SPATA6: variants seen among roughly 807,000 people sequenced by gnomAD.
SPATA6 encodes spermatogenesis associated 6, also known as spermatogenesis-associated protein 6.
A neutral mutation model predicts 65.3 loss-of-function variants in SPATA6; 56 were observed. That is an observed-to-expected ratio of 0.86 (90% CI 0.69 to 1.07). The LOEUF is 1.07. Ranked by LOEUF, SPATA6 falls within the 50% of genes least tolerant of loss-of-function variation. The pLI is 0.00. For synonymous variants in SPATA6, 199 were observed against 213.2 expected (o/e 0.93, Z 0.58); for missense variants, 590 against 594.8 (o/e 0.99, Z 0.08).
intron 3 of SPATA6, among the ~76,000 whole-genome samples, chr1:48,426,891 A>C (rs1318296149): frequency 6.6e-6 from 1 of 152,084 alleles, no homozygotes; most frequent in African/African-American, 2.4e-5. Flanking sequence ...GATATAAATC[A>C]GGAAAAAAGT....
chr1:48,316,594 G>C (rs1211788691), intron 11 of SPATA6, among the ~76,000 whole-genome samples: 1 of 152,070 alleles, frequency 6.6e-6, no homozygotes, highest in Non-Finnish European at 1.5e-5. Flanking sequence ...AGAAAACCTA[G>C]GCAATACCAT....
intron 1 of SPATA6, among the ~76,000 whole-genome samples, chr1:48,470,815 T>C (rs912932749): frequency 6.6e-6 from 1 of 151,006 alleles, no homozygotes; most frequent in African/African-American, 2.4e-5. Context: ...CCCAGGAGAG[T>C]AATGGTAATA....
chr1:48,350,056 A>T (rs1319931686), intron 11 of SPATA6, among the ~76,000 whole-genome samples: 1 of 151,844 alleles, frequency 6.6e-6, no homozygotes, highest in Non-Finnish European at 1.5e-5. Flanking sequence ...TGGCTATACC[A>T]TTGGTATTCC....
chr1:48,355,909 C>G (rs752858881), intron 10 of SPATA6, 140 bp from the exon 11 acceptor site: 30 of 547,788 alleles, frequency 5.5e-5, no homozygotes, highest in Non-Finnish European at 8.8e-5. Context: ...ACCTATATAT[C>G]TGACCATTTT....
chr1:48,293,515 C>T (rs1000878685), downstream of SPATA6, among the ~76,000 whole-genome samples: 1 of 152,164 alleles, frequency 6.6e-6, no homozygotes, highest in African/African-American at 2.4e-5. Flanking sequence ...GGGTCTCCTA[C>T]TCTACCATCT....
At chr1:48,291,807 A>T (rs1198348650), downstream of SPATA6, among the ~76,000 whole-genome samples, 1 of 152,202 alleles carries the variant, frequency 6.6e-6, no homozygotes, top group Non-Finnish European at 1.5e-5. Context: ...TAAGAGCAAG[A>T]GTTCATGCTG....
intron 11 of SPATA6, among the ~76,000 whole-genome samples, chr1:48,321,357 C>CA (rs1384889051): frequency 6.6e-6 from 1 of 151,590 alleles, no homozygotes; most frequent in Non-Finnish European, 1.5e-5. Context: ...AAATGGAAAT[C>CA]AAAAAAGAGT....
At chr1:48,455,471 C>T (rs950446122) in intron 1 of SPATA6, among the ~76,000 whole-genome samples, 1 of 151,942 alleles carries the variant, frequency 6.6e-6, no homozygotes, top group African/African-American at 2.4e-5. Flanking sequence ...CAAGCTCCGC[C>T]TCCCAGGTTC....
At chr1:48,429,146 A>AT (rs1654169854) in intron 3 of SPATA6, among the ~76,000 whole-genome samples, 1 of 151,782 alleles carries the variant, frequency 6.6e-6, no homozygotes, top group Non-Finnish European at 1.5e-5. Flanking sequence ...AAAAAAAAAA[A>AT]TCCTGTCCTC....
chr1:48,275,693 A>T, the SPATA6 span, among the ~76,000 whole-genome samples: 1 of 152,026 alleles, frequency 6.6e-6, no homozygotes, highest in Non-Finnish European at 1.5e-5. Flanking sequence ...AACATAATTG[A>T]TTTGCATATA....
At chr1:48,280,272 A>C in the SPATA6 span, among the ~76,000 whole-genome samples, 1 of 152,212 alleles carries the variant, frequency 6.6e-6, no homozygotes, top group Non-Finnish European at 1.5e-5. Flanking sequence ...AATTAAAAGA[A>C]CTAGAAAAGC....
At chr1:48,451,995 C>A (rs1265502806) in intron 2 of SPATA6, among the ~76,000 whole-genome samples, 1 of 152,200 alleles carries the variant, frequency 6.6e-6, no homozygotes, top group Non-Finnish European at 1.5e-5. Flanking sequence ...ATTGCCTTCT[C>A]TGACCACCTT....
chr1:48,414,255 T>C (rs1401722548), intron 3 of SPATA6, among the ~76,000 whole-genome samples: 2 of 152,182 alleles, frequency 1.3e-5, no homozygotes, highest in Non-Finnish European at 1.5e-5. Context: ...CTATAAATAC[T>C]GGAGAAAAAT....
chr1:48,312,950 A>G (rs1645268882), intron 11 of SPATA6, among the ~76,000 whole-genome samples: 2 of 152,226 alleles, frequency 1.3e-5, no homozygotes, highest in African/African-American at 4.8e-5. Context: ...GGCATCAGTG[A>G]TGGAAGATCA....
chr1:48,418,803 G>GGGAAGGAA (rs1653046764), intron 3 of SPATA6, among the ~76,000 whole-genome samples: 1 of 81,114 alleles, frequency 1.2e-5, no homozygotes, highest in Non-Finnish European at 3.4e-5. Context: ...GAAGGAAGGA[G>GGGAAGGAA]GGAAGGAGGG....
At position 48,428,775 on chromosome 1, in the gene SPATA6, A is replaced by ATG. The variant is rs59651745; in HGVS notation, c.239-15626_239-15625dup. 4.6e-3 allele frequency among the ~76,000 whole-genome samples: 611 copies of ATG among 133,570 alleles called. 4 individuals carry two copies. The highest frequency in any genetic ancestry group is 0.013 in the African/African-American group (471 of 35,696). The allele number at this position is 133,570 out of a possible 152,430, so 87.6% of individuals were successfully genotyped here. ...CACGGTCAACTGTATAGGTGTATATATGTGTGTGTGTGTGTGTGTGTGTGT... is the reference window on the plus strand; with the variant it reads ...CACGGTCAACTGTATAGGTGTATATATGTGTGTGTGTGTGTGTGTGTGTGTGT... On this transcript the variant is annotated intron_variant, in intron 3 of 12. Coordinates refer to ENST00000371847, the MANE Select transcript of SPATA6 (RefSeq NM_019073.4).
At chr1:48,424,640 A>C (rs1653668012) in intron 3 of SPATA6, among the ~76,000 whole-genome samples, 1 of 152,078 alleles carries the variant, frequency 6.6e-6, no homozygotes, top group Non-Finnish European at 1.5e-5. Flanking sequence ...CCACATCCTT[A>C]CCAGCATTTG....
intron 3 of SPATA6, among the ~76,000 whole-genome samples, chr1:48,422,533 A>T (rs1306564319): frequency 1.3e-5 from 2 of 152,172 alleles, no homozygotes; most frequent in Non-Finnish European, 2.9e-5. Context: ...AGGAATAAGG[A>T]TTAACTCAAA....
At chr1:48,452,900 C>T in intron 2 of SPATA6, 94 bp downstream of exon 2, 1 of 1,393,858 alleles carries the variant, frequency 7.2e-7, no homozygotes, top group Non-Finnish European at 9.6e-7. Context: ...AGCACACAGT[C>T]AGCAGTAATA....
Sources: gnomAD v4.1 joint callset for allele counts (sites outside exome capture counted in the v4.1 genomes callset) on GRCh38, gnomAD v4.1.1 for gene constraint, MANE v1.5 for transcripts, NCBI Gene and HGNC (gene_info 2026-07-23, HGNC 2026-07-21) for gene names.